The following ADARB2 variants were observed in gnomAD, a reference collection of about 807,000 sequenced individuals.
The protein encoded by ADARB2 is adenosine deaminase RNA specific B2 (inactive), also known as inactive double-stranded RNA-specific editase B2.
ADARB2 carries 25 observed loss-of-function variants against 62.2 expected under a neutral mutation model. That is an observed-to-expected ratio of 0.40 (90% confidence interval 0.29 to 0.56). The LOEUF is 0.56. ADARB2 is among the 20% of genes least tolerant of loss of function. ADARB2 has a pLI of 0.43. For missense variants in ADARB2, 1,071 were observed against 1,077.4 expected (o/e 0.99, Z 0.08); for synonymous variants, 572 against 500.8 (o/e 1.14, Z -1.90).
chr10:1,371,960 G>T (rs1258261913), intron 2 of ADARB2, among the ~76,000 whole-genome samples: 1 of 152,036 alleles, frequency 6.6e-6, no homozygotes, highest in African/African-American at 2.4e-5. Context: ...TTACTGCTGG[G>T]CATCTACCCA....
chr10:1,713,777 C>A (rs929144407), intron 1 of ADARB2, among the ~76,000 whole-genome samples: 3 of 152,190 alleles, frequency 2.0e-5, no homozygotes, highest in African/African-American at 7.2e-5. Context: ...TCACCCTTGA[C>A]ACTTTAAAGC....
chr10:1,385,731 A>G (rs924953197), intron 1 of ADARB2, among the ~76,000 whole-genome samples: 5 of 152,200 alleles, frequency 3.3e-5, no homozygotes, highest in African/African-American at 7.2e-5. Context: ...TACTTTAAAT[A>G]ATAGTTTAAA....
intron 8 of ADARB2, among the ~76,000 whole-genome samples, chr10:1,198,538 C>A (rs1423122682): frequency 1.3e-5 from 2 of 152,178 alleles, no homozygotes; most frequent in African/African-American, 4.8e-5. Flanking sequence ...GGCTCATTTG[C>A]ATCTGCAAAA....
intron 1 of ADARB2, among the ~76,000 whole-genome samples, chr10:1,595,984 C>T (rs955955215): frequency 3.9e-5 from 6 of 152,236 alleles, no homozygotes; most frequent in Admixed American, 2.6e-4. Flanking sequence ...GGCTGCTCTG[C>T]CTACGGCTTT....
intron 1 of ADARB2, among the ~76,000 whole-genome samples, chr10:1,612,060 C>T (rs917187134): frequency 8.5e-5 from 13 of 152,176 alleles, no homozygotes; most frequent in Non-Finnish European, 1.5e-5. Flanking sequence ...GGGTTCGGGC[C>T]GACCAGGGAG....
intron 3 of ADARB2, among the ~76,000 whole-genome samples, chr10:1,338,748 G>C (rs1180718595): frequency 6.6e-6 from 1 of 152,190 alleles, no homozygotes; most frequent in Admixed American, 6.5e-5. Flanking sequence ...GGTGGAGGAA[G>C]GATTTCTAGG....
chr10:1,617,243 A>C (rs1288720846), intron 1 of ADARB2, among the ~76,000 whole-genome samples: 58 of 136,356 alleles, frequency 4.3e-4, no homozygotes, highest in South Asian at 7.4e-4. Context: ...TGTGCTCTGC[A>C]TCCTGGGAAC....
chr10:1,348,116 G>A (rs548569881), intron 3 of ADARB2, among the ~76,000 whole-genome samples: 1 of 152,158 alleles, frequency 6.6e-6, no homozygotes, highest in Non-Finnish European at 1.5e-5. Flanking sequence ...GGGCTATCTC[G>A]GTCCTGTGGT....
chr10:1,654,600 C>T (rs1834152036), intron 1 of ADARB2, among the ~76,000 whole-genome samples: 1 of 152,240 alleles, frequency 6.6e-6, no homozygotes, highest in Non-Finnish European at 1.5e-5. Context: ...ACTTACTGCC[C>T]ACCTACCCCT....
rs368175962 is a variant in ADARB2, at chr10:1,469,181, T to C, written c.101-90021A>G. ...TTAGAGATGGGAACGTTGGACTGGG[T>C]TTAATGTGGATGTTTCTACAGCAGA... On this transcript the variant is annotated intron_variant, in intron 1 of 9. Coordinates refer to ENST00000381312, the MANE Select transcript of ADARB2 (RefSeq NM_018702.4). Among the ~76,000 whole-genome samples, 19 of 148,598 alleles carry C rather than the reference T, an allele frequency of 1.3e-4. No individual in the cohort carries two copies. The East Asian group carries it at 2.2e-3, about 17-fold the overall frequency.
chr10:1,191,478 G>A (rs1322225526), intron 8 of ADARB2, among the ~76,000 whole-genome samples: 4 of 152,074 alleles, frequency 2.6e-5, no homozygotes, highest in Non-Finnish European at 5.9e-5. Flanking sequence ...GCAGGGTCGG[G>A]CCCCACGTTT....
At chr10:1,673,050 C>T (rs544806209) in intron 1 of ADARB2, among the ~76,000 whole-genome samples, 45 of 152,276 alleles carry the variant, frequency 3.0e-4, no homozygotes, top group African/African-American at 1.0e-3. Flanking sequence ...CTGCCTCAGA[C>T]ACACAGTTGT....
chr10:1,656,170 A>C (rs1009458764), intron 1 of ADARB2, among the ~76,000 whole-genome samples: 7 of 152,232 alleles, frequency 4.6e-5, no homozygotes, highest in African/African-American at 1.4e-4. Context: ...ATCATAACGT[A>C]ATCTTTTAAA....
intron 1 of ADARB2, among the ~76,000 whole-genome samples, chr10:1,650,091 C>T (rs1834091352): frequency 6.6e-6 from 1 of 152,154 alleles, no homozygotes; most frequent in South Asian, 2.1e-4. Flanking sequence ...TGCTGTTGTT[C>T]CCCATGGTGG....
intron 1 of ADARB2, among the ~76,000 whole-genome samples, chr10:1,719,233 G>A (rs1835058434): frequency 6.6e-6 from 1 of 152,110 alleles, no homozygotes; most frequent in African/African-American, 2.4e-5. Context: ...CAAAGTGCTG[G>A]GATTACAGGT....
chr10:1,646,832 G>T (rs1339707943), intron 1 of ADARB2, among the ~76,000 whole-genome samples: 1 of 152,230 alleles, frequency 6.6e-6, no homozygotes, highest in Non-Finnish European at 1.5e-5. Flanking sequence ...TGTGATTGCT[G>T]TGTGCTCACC....
rs546667508 is a variant in ADARB2, at chr10:1,661,219, T to A, written c.100+75832A>T. ...GCCACTTTTCATGTTTCCTTTCTTC[T>A]TTCTTTAACTCTTACACATTCCCCA... is the stretch of plus-strand genomic sequence containing the variant. On this transcript the variant is annotated intron_variant, in intron 1 of 9. Coordinates refer to ENST00000381312, the MANE Select transcript of ADARB2 (RefSeq NM_018702.4). 3.4e-3 allele frequency among the ~76,000 whole-genome samples: 514 copies of A among 152,316 alleles called. 3 individuals carry two copies. The highest frequency in any genetic ancestry group is 6.8e-3 in the Middle Eastern group (2 of 294).
chr10:1,216,628 T>C, intron 7 of ADARB2: 1 of 364,238 alleles, frequency 2.7e-6, no homozygotes, highest in South Asian at 3.5e-5. Flanking sequence ...CCACCCCGAC[T>C]GGCCGGCAGC....
intron 1 of ADARB2, among the ~76,000 whole-genome samples, chr10:1,670,662 G>A (rs1341370746): frequency 1.3e-5 from 2 of 152,218 alleles, no homozygotes; most frequent in East Asian, 1.9e-4. Context: ...CGCCACTGAA[G>A]CTCAACGCTT....
Sources: gnomAD v4.1 joint callset for allele counts (sites outside exome capture counted in the v4.1 genomes callset) on GRCh38, gnomAD v4.1.1 for gene constraint, MANE v1.5 for transcripts, NCBI Gene and HGNC (gene_info 2026-07-23, HGNC 2026-07-21) for gene names.